CTSD: variants seen among roughly 807,000 people sequenced by gnomAD.
CTSD encodes ceroid-lipofuscinosis, neuronal 10.
In CTSD, 28 loss-of-function variants were observed where a neutral mutation model predicts 43.6. The observed-to-expected ratio is 0.64, with a 90% CI of 0.48 to 0.88. CTSD has a LOEUF of 0.88. Among genes scored for constraint, CTSD ranks in the 40% least tolerant of loss-of-function variants. CTSD has a pLI of 0.00. For missense variants in CTSD, 485 were observed against 555.2 expected, an observed-to-expected ratio of 0.87 and a Z score of 1.27; for synonymous variants, 270 against 249.8, an observed-to-expected ratio of 1.08 and a Z score of -0.76.
intron 2 of CTSD, chr11:1,760,574 C>G (rs529613162): frequency 6.5e-6 from 1 of 153,670 alleles, no homozygotes; most frequent in South Asian, 2.0e-4. Flanking sequence ...TGCATGTGTG[C>G]GCATGCGTGC....
At chr11:1,761,793 G>A (rs1845881165) in intron 1 of CTSD, 1 of 439,688 alleles carries the variant, frequency 2.3e-6, no homozygotes, top group Non-Finnish European at 4.3e-6. Context: ...AGCCCCCAAG[G>A]GTCTCCCGTC....
intron 6 of CTSD, chr11:1,754,368 AG>A (rs765756072): frequency 5.4e-4 from 195 of 358,170 alleles, no homozygotes; most frequent in Non-Finnish European, 8.0e-4. Flanking sequence ...GGAGGGATGG[AG>A]GGGATGGAGG....
Position 1,753,352 on chromosome 11 carries a change from AGCAAGTCGGGCTTGG to A in CTSD, c.*136_*150del. 1.2e-6 allele frequency: 1 copy of A among 852,240 alleles called. No individual in the cohort carries two copies. Among genetic ancestry groups the A allele is most frequent in the Non-Finnish European group, 1.9e-6 (1 of 513,432 alleles). The allele number at this position is 852,240 out of a possible 1,614,324, so 52.8% of individuals were successfully genotyped here. ...GGAGGGGAAAACCACAGAACAAAAC[AGCAAGTCGGGCTTGG>A]GCCGCCGGCTTCCAGGGCGCCCAGG... On this transcript the variant is annotated 3_prime_UTR_variant, in exon 9 of 9. Coordinates refer to ENST00000236671, the MANE Select transcript of CTSD (RefSeq NM_001909.5).
chr11:1,759,362 G>A (rs1045741538), intron 3 of CTSD, among the ~76,000 whole-genome samples, 154 bp downstream of exon 3: 20 of 152,260 alleles, frequency 1.3e-4, no homozygotes, highest in African/African-American at 4.8e-4. Flanking sequence ...GGTTCACCCA[G>A]AAAGTCAGTG....
At chr11:1,755,991 T>C (rs531226969) in intron 5 of CTSD, among the ~76,000 whole-genome samples, 44 of 152,232 alleles carry the variant, frequency 2.9e-4, no homozygotes, top group African/African-American at 8.7e-4. Context: ...GCCTTGAGAC[T>C]ACACCTGGGC....
At chr11:1,759,443 T>A (rs1315928502) in intron 3 of CTSD, 73 bp downstream of exon 3, 1 of 1,600,996 alleles carries the variant, frequency 6.2e-7, no homozygotes, top group East Asian at 2.2e-5. Context: ...GCCCAAGTGA[T>A]TCCTGAGGCA....
intron 4 of CTSD, among the ~76,000 whole-genome samples, chr11:1,758,534 C>T (rs113831578): frequency 0.029 from 4,435 of 152,198 alleles, 208 homozygotes; most frequent in African/African-American, 0.1. Context: ...TCCCAGGCTC[C>T]TGCCGGTGAC....
chr11:1,753,173 C>A lies in CTSD; in HGVS notation c.*330G>T, dbSNP rs955942954. 49 of 402,480 alleles carry A rather than the reference C, an allele frequency of 1.2e-4. No individual in the cohort carries two copies. In the East Asian group the frequency reaches 2.5e-3, roughly 21 times the overall value. The allele number at this position is 402,480 out of a possible 1,614,324, so 24.9% of individuals were successfully genotyped here. A position where few individuals can be genotyped will look rare whatever the true frequency, so the allele number is the denominator to read the frequency against. ...CGCTGGTAGGGCCGGGGAGGGGACT[C>A]CCTGGAGATGAAGGGAGCCCCAGGA... On this transcript the variant is annotated 3_prime_UTR_variant, in exon 9 of 9. Transcript: ENST00000236671.
At chr11:1,763,768 G>T in intron 1 of CTSD, 24 bp downstream of exon 1, 1 of 1,521,240 alleles carries the variant, frequency 6.6e-7, no homozygotes, top group South Asian at 1.2e-5. Flanking sequence ...GCCCGTCCCT[G>T]AGCCCCGGCC....
chr11:1,761,492 A>G (rs749912652), intron 1 of CTSD, 24 bp from the exon 2 acceptor site: 16 of 1,613,360 alleles, frequency 9.9e-6, no homozygotes, highest in Admixed American at 6.7e-5. Context: ...GTCGGGGCAT[A>G]TCAGGGAGGC....
At chr11:1,763,588 G>C (rs1408078385) in intron 1 of CTSD, 3 of 519,720 alleles carry the variant, frequency 5.8e-6, no homozygotes, top group Non-Finnish European at 1.0e-5. Context: ...CCTCTGCCCC[G>C]GGTCCCCTGC....
intron 6 of CTSD, chr11:1,754,399 G>GATGGAGGGGATGAAGGGATGGAGGGGC (rs1845772411): frequency 2.4e-5 from 13 of 544,296 alleles, no homozygotes; most frequent in Admixed American, 9.6e-5. Context: ...GGATGGAGGG[G>GATGGAGGGGATGAAGGGATGGAGGGGC]ATGGAGGGGA....
intron 5 of CTSD, chr11:1,755,262 C>A: frequency 5.1e-6 from 3 of 585,854 alleles, no homozygotes; most frequent in Non-Finnish European, 9.3e-6. Flanking sequence ...TTTCCTCAAC[C>A]CTCAGGTTCT....
In CTSD at chr11:1,753,538, T is replaced by C; in HGVS notation, c.1204A>G (p.Asn402Asp). 3 of 1,613,040 alleles carry C rather than the reference T, an allele frequency of 1.9e-6. No homozygotes were observed. Among genetic ancestry groups the C allele is most frequent in the Non-Finnish European group, 2.5e-6 (3 of 1,179,904 alleles). The change falls in exon 9 of 9, where the codon AAC becomes GAC. Residue 402 changes from asparagine to aspartate, a missense_variant. By Grantham distance (23) the Asn-to-Asp change is conservative. Coordinates refer to ENST00000236671, the MANE Select transcript of CTSD (RefSeq NM_001909.5). Reference sequence around the variant, plus strand: ...GCAGCCTCGGCGAAGCCCACCCTGTTGTTGTCACGGTCAAACACAGTGTAG... The same window carrying C: ...GCAGCCTCGGCGAAGCCCACCCTGTCGTTGTCACGGTCAAACACAGTGTAG... ...RYYTVFDRDN[N>D]RVGFAEAARL
Position 1,754,043 on chromosome 11 carries a change from A to G in CTSD, c.923T>C (p.Val308Ala). The G allele has an allele frequency of 6.2e-7, 1 of 1,600,792 alleles. No homozygotes were observed. Among genetic ancestry groups the G allele is most frequent in the Non-Finnish European group, 8.5e-7 (1 of 1,174,680 alleles). Reference sequence around the variant, plus strand: ...CCCGATGGCCTTCTGCAGCTCGCGCACCTCATCCACCGGGCCCACCATGAG... The same window carrying G: ...CCCGATGGCCTTCTGCAGCTCGCGCGCCTCATCCACCGGGCCCACCATGAG... Reference protein sequence around the residue: ...TSLMVGPVDEVRELQKAIGAV... With the variant: ...TSLMVGPVDEARELQKAIGAV... The change falls in exon 7 of 9, where the codon GTG becomes GCG. Residue 308 changes from valine to alanine, a missense_variant. Coordinates refer to ENST00000236671, the MANE Select transcript of CTSD (RefSeq NM_001909.5).
intron 5 of CTSD, among the ~76,000 whole-genome samples, chr11:1,756,202 A>C (rs1411020165): frequency 6.7e-6 from 1 of 149,784 alleles, no homozygotes; most frequent in African/African-American, 2.5e-5. Flanking sequence ...CTGGGTACTC[A>C]GGCTGTGTGC....
intron 1 of CTSD, chr11:1,763,129 C>T (rs1347256943): frequency 2.0e-5 from 3 of 152,430 alleles, no homozygotes; most frequent in Non-Finnish European, 4.4e-5. Flanking sequence ...CGGGCCCCAT[C>T]CCATCCAGGC....
chr11:1,759,547 G>A lies in CTSD; in HGVS notation c.321C>T (p.Ser107=), dbSNP rs767481255. 2.5e-6 allele frequency: 4 copies of A among 1,613,530 alleles called. No homozygotes were observed. Among genetic ancestry groups the A allele is most frequent in the Admixed American group, 3.3e-5 (2 of 60,008 alleles). The change falls in exon 3 of 9, where the codon TCC becomes TCT. Residue 107 remains serine, a synonymous_variant. Transcript: ENST00000236671. ...DTGSSNLWVP[S]IHCKLLDIAC... ...CGATGTCCAGCAGTTTGCAGTGGATGGAGGGGACCCACAGGTTGGAGGAGC... is the reference window on the plus strand; with the variant it reads ...CGATGTCCAGCAGTTTGCAGTGGATAGAGGGGACCCACAGGTTGGAGGAGC...
At position 1,758,949 on chromosome 11, in the gene CTSD, A is replaced by T; in HGVS notation, c.471+20T>A. ...ACCCTGGCACCCTCGAGTCCTGGGA[A>T]AGGCCCCAGAGGGACTCACCGACAC... is the stretch of plus-strand genomic sequence containing the variant. On this transcript the variant is annotated intron_variant, in intron 4 of 8. Coordinates refer to ENST00000236671, the MANE Select transcript of CTSD (RefSeq NM_001909.5). The T allele has an allele frequency of 6.5e-7, 1 of 1,539,120 alleles. No homozygotes were observed. Among genetic ancestry groups the T allele is most frequent in the Non-Finnish European group, 9.0e-7 (1 of 1,111,976 alleles).
Sources: gnomAD v4.1 joint callset for allele counts (sites outside exome capture counted in the v4.1 genomes callset) on GRCh38, gnomAD v4.1.1 for gene constraint, MANE v1.5 for transcripts, NCBI Gene and HGNC (gene_info 2026-07-23, HGNC 2026-07-21) for gene names.